The following MTMR9 variants were observed in gnomAD, a reference collection of about 807,000 sequenced individuals.
The protein encoded by MTMR9 is myotubularin-related protein 9.
Under a neutral mutation model 69.5 loss-of-function variants are expected in MTMR9, and 39 were observed. That is an observed-to-expected ratio of 0.56 (90% CI 0.43 to 0.73). The LOEUF is 0.73. MTMR9 is among the 30% of genes least tolerant of loss of function. The pLI is 0.00. For synonymous variants in MTMR9, 354 were observed against 240.8 expected (o/e 1.47, Z -4.35); for missense variants, 900 against 671.2 (o/e 1.34, Z -3.77).
At position 11,319,669 on chromosome 8, in the gene MTMR9, G is replaced by T. The variant is rs1370032570; in HGVS notation, c.1335-18G>T. 2 of 1,612,302 alleles carry T rather than the reference G, an allele frequency of 1.2e-6. No individual in the cohort carries two copies. The highest frequency in any genetic ancestry group is 1.7e-6 in the Non-Finnish European group (2 of 1,179,678). On this transcript the variant is annotated intron_variant, in intron 8 of 9. Transcript: ENST00000221086. The stretch of plus-strand genomic sequence containing the variant: ...TTATAAATTAATTACTTTAATGGCA[G>T]TGTTCTTTCTTGATCAGATGTAAGT...
chr8:11,332,758 C>A (rs1801285244), downstream of MTMR9, among the ~76,000 whole-genome samples: 1 of 152,120 alleles, frequency 6.6e-6, no homozygotes, highest in Non-Finnish European at 1.5e-5. Context: ...CATGCCACCA[C>A]ACGCAGCTAA....
At chr8:11,310,146 C>A (rs759334701) in intron 6 of MTMR9, among the ~76,000 whole-genome samples, 76 of 152,200 alleles carry the variant, frequency 5.0e-4, no homozygotes, top group Non-Finnish European at 1.5e-4. Flanking sequence ...TTTCATACTA[C>A]TTGATATGTG....
chr8:11,308,367 G>A (rs1800052262), intron 5 of MTMR9, among the ~76,000 whole-genome samples: 1 of 152,028 alleles, frequency 6.6e-6, no homozygotes, highest in Admixed American at 6.6e-5. Flanking sequence ...TTTATTTCTG[G>A]GTTTTATTCT....
chr8:11,306,544 T>C, intron 5 of MTMR9, 137 bp downstream of exon 5: 1 of 753,942 alleles, frequency 1.3e-6, no homozygotes, highest in Non-Finnish European at 2.1e-6. Context: ...AGCCATCTTC[T>C]CATTTTTTTT....
chr8:11,322,167 T>C (rs531597458), intron 9 of MTMR9, among the ~76,000 whole-genome samples: 1 of 152,322 alleles, frequency 6.6e-6, no homozygotes, highest in South Asian at 2.1e-4. Flanking sequence ...TAACAACATA[T>C]GTGGTTCTGC....
rs1800831648 is a variant in MTMR9, at chr8:11,324,420, G to A, written c.*1632G>A. ...GACTTACTTTCTTTGCTGTAGTTAT[G>A]AACCTTGGGGCATTAAAATCCCATG... On this transcript the variant is annotated 3_prime_UTR_variant, in exon 10 of 10. Transcript: ENST00000221086. 1 of 150,330 alleles carries A rather than the reference G, an allele frequency of 6.7e-6. No homozygotes were observed. Among genetic ancestry groups the A allele is most frequent in the African/African-American group, 2.5e-5 (1 of 40,798 alleles). 9.3% of individuals were successfully genotyped at this position (150,330 alleles called of 1,614,324 possible). A position where few individuals can be genotyped will look rare whatever the true frequency, so the allele number is the denominator to read the frequency against.
At chr8:11,287,682 A>G (rs920412659) in intron 1 of MTMR9, among the ~76,000 whole-genome samples, 6 of 138,528 alleles carry the variant, frequency 4.3e-5, no homozygotes, top group South Asian at 2.1e-4. Flanking sequence ...ATATATTTAT[A>G]TTTATTATGT....
chr8:11,298,972 A>T (rs1799657347), intron 2 of MTMR9: 1 of 650,250 alleles, frequency 1.5e-6, no homozygotes, highest in Admixed American at 6.3e-5. Flanking sequence ...CAAATGGCAT[A>T]TACCAGTCTA....
chr8:11,286,699 G>T (rs1218321116), intron 1 of MTMR9, among the ~76,000 whole-genome samples: 1 of 143,578 alleles, frequency 7.0e-6, no homozygotes, highest in Non-Finnish European at 1.5e-5. Context: ...AAAGTCTTCA[G>T]TGGTCTCTCA....
In MTMR9 at chr8:11,294,168, A is replaced by C. The variant is rs557516384; in HGVS notation, c.183-1026A>C. Among the ~76,000 whole-genome samples, 4 of 152,352 alleles carry C rather than the reference A, an allele frequency of 2.6e-5. No individual in the cohort carries two copies. In the East Asian group the frequency reaches 7.7e-4, roughly 29 times the overall value. ...AAAAGAAAATTCTGGGTACATTTAC[A>C]CAATCGTCATCTGCAAATAAAGGTA... is the stretch of plus-strand genomic sequence containing the variant. On this transcript the variant is annotated intron_variant, in intron 1 of 9. Coordinates refer to ENST00000221086, the MANE Select transcript of MTMR9 (RefSeq NM_015458.4).
downstream of MTMR9, among the ~76,000 whole-genome samples, chr8:11,328,973 G>A (rs1179407138): frequency 1.3e-5 from 2 of 152,168 alleles, no homozygotes; most frequent in Non-Finnish European, 2.9e-5. Flanking sequence ...TGTAAGGTAA[G>A]GGCCCAATTT....
chr8:11,330,844 C>T (rs891649574), downstream of MTMR9: 6 of 554,032 alleles, frequency 1.1e-5, no homozygotes, highest in African/African-American at 5.7e-5. Flanking sequence ...TATCTGCTGA[C>T]CTTCCCTCCA....
At chr8:11,328,595 A>G (rs1226184746), downstream of MTMR9, among the ~76,000 whole-genome samples, 2 of 152,264 alleles carry the variant, frequency 1.3e-5, no homozygotes, top group African/African-American at 4.8e-5. Flanking sequence ...AATGGAATTA[A>G]AAAGCCACTA....
chr8:11,291,421 A>T (rs1799376897), intron 1 of MTMR9, among the ~76,000 whole-genome samples: 1 of 152,132 alleles, frequency 6.6e-6, no homozygotes, highest in African/African-American at 2.4e-5. Context: ...AAATGCTGTG[A>T]TAGGGATGTA....
At position 11,284,984 on chromosome 8, in the gene MTMR9, G is replaced by C; in HGVS notation, c.96G>C (p.Thr32=). ...CTGTCGAGGGCACCCTGTGCCTGAC[G>C]GGCCACCACTTGATCCTGTCCTCCC... ...YPAVEGTLCL[T]GHHLILSSRQ... is the part of the protein sequence containing the mutation. The change falls in exon 1 of 10, where the codon ACG becomes ACC. Residue 32 remains threonine (T), a synonymous_variant. Coordinates refer to ENST00000221086, the MANE Select transcript of MTMR9 (RefSeq NM_015458.4). 1 of 1,613,852 alleles carries C rather than the reference G, an allele frequency of 6.2e-7. No homozygotes were observed. The highest frequency in any genetic ancestry group is 8.5e-7 in the Non-Finnish European group (1 of 1,179,932).
chr8:11,304,754 T>G (rs1799877382), intron 3 of MTMR9, 87 bp from the exon 4 acceptor site: 8 of 1,335,342 alleles, frequency 6.0e-6, no homozygotes, highest in Admixed American at 2.1e-5. Flanking sequence ...TCAGTGAAAG[T>G]TGACCTCTAA....
At chr8:11,286,358 C>G (rs1405315998) in intron 1 of MTMR9, among the ~76,000 whole-genome samples, 1 of 151,198 alleles carries the variant, frequency 6.6e-6, no homozygotes, top group Non-Finnish European at 1.5e-5. Flanking sequence ...CTCAAGCCAC[C>G]TTTTGCTGTA....
chr8:11,287,110 C>T (rs1167225076), intron 1 of MTMR9, among the ~76,000 whole-genome samples: 1 of 152,218 alleles, frequency 6.6e-6, no homozygotes, highest in African/African-American at 2.4e-5. Flanking sequence ...CCGCTACCTC[C>T]TTCACAAATT....
intron 1 of MTMR9, among the ~76,000 whole-genome samples, chr8:11,290,524 C>T (rs1799344467): frequency 6.6e-6 from 1 of 152,110 alleles, no homozygotes; most frequent in African/African-American, 2.4e-5. Flanking sequence ...CCTTCCCTGT[C>T]CCCAAATCAC....
Sources: gnomAD v4.1 joint callset for allele counts (sites outside exome capture counted in the v4.1 genomes callset) on GRCh38, gnomAD v4.1.1 for gene constraint, MANE v1.5 for transcripts, NCBI Gene and HGNC (gene_info 2026-07-23, HGNC 2026-07-21) for gene names.